Variants in SLC4A10 observed in about 807,000 individuals in gnomAD.
SLC4A10 encodes sodium-driven chloride bicarbonate exchanger.
Under a neutral mutation model 137.7 loss-of-function variants are expected in SLC4A10, and 42 were observed. That is an observed-to-expected ratio of 0.30 (90% CI 0.24 to 0.39). The LOEUF (loss-of-function observed/expected upper bound fraction) is 0.39, where lower values mean the gene tolerates loss of function less well. Among genes scored for constraint, SLC4A10 ranks in the 10% least tolerant of loss-of-function variants. SLC4A10 has a pLI of 1.00. For synonymous variants in SLC4A10, 474 were observed against 464.1 expected, an observed-to-expected ratio of 1.02 and a Z score of -0.27; for missense variants, 925 against 1,355.0, an observed-to-expected ratio of 0.68 and a Z score of 4.98.
At chr2:161,699,187 T>G (rs1490806908) in intron 1 of SLC4A10, among the ~76,000 whole-genome samples, 1 of 151,886 alleles carries the variant, frequency 6.6e-6, no homozygotes, top group Non-Finnish European at 1.5e-5. Flanking sequence ...CCTGGCTAAT[T>G]TTTTGTATTT....
intron 7 of SLC4A10, among the ~76,000 whole-genome samples, chr2:161,873,046 G>GT (rs2061237459): frequency 6.6e-6 from 1 of 152,134 alleles, no homozygotes; most frequent in Non-Finnish European, 1.5e-5. Flanking sequence ...ACTTTGGCTA[G>GT]TTTGTGTTCA....
At chr2:161,942,551 A>G (rs1692901811) in intron 15 of SLC4A10, among the ~76,000 whole-genome samples, 1 of 152,130 alleles carries the variant, frequency 6.6e-6, no homozygotes, top group South Asian at 2.1e-4. Flanking sequence ...TTTAGGGCCA[A>G]ATGGGTGTCA....
intron 11 of SLC4A10, among the ~76,000 whole-genome samples, chr2:161,899,744 A>C (rs16846181): frequency 0.096 from 14,644 of 152,054 alleles, 761 homozygotes; most frequent in East Asian, 0.13. Flanking sequence ...GTATTGAGGG[A>C]AACTCTTAAA....
rs184309232 is a variant in SLC4A10, at chr2:161,975,192, G to T, written c.3227+876G>T. ...TTAAGAGGGGGCACAACTATAAGAT[G>T]TTTTATCTTTTTTTTCTTTTTTACA... On this transcript the variant is annotated intron_variant, in intron 24 of 26. Transcript: ENST00000446997. 4.2e-3 allele frequency among the ~76,000 whole-genome samples: 644 copies of T among 152,154 alleles called. 6 individuals carry two copies. The highest frequency in any genetic ancestry group is 0.015 in the African/African-American group (604 of 41,528).
At chr2:161,761,427 A>G (rs1209976099) in intron 1 of SLC4A10, among the ~76,000 whole-genome samples, 2 of 151,992 alleles carry the variant, frequency 1.3e-5, no homozygotes, top group East Asian at 3.9e-4. Flanking sequence ...CATGGCATGG[A>G]CAGGAATATC....
intron 11 of SLC4A10, among the ~76,000 whole-genome samples, chr2:161,895,599 A>G (rs924711896): frequency 2.0e-5 from 3 of 152,000 alleles, no homozygotes; most frequent in Admixed American, 6.6e-5. Context: ...TTTAATGATC[A>G]CCATTCTAAC....
intron 1 of SLC4A10, among the ~76,000 whole-genome samples, chr2:161,744,037 G>A (rs2048172714): frequency 6.6e-6 from 1 of 151,988 alleles, no homozygotes; most frequent in Admixed American, 6.6e-5. Context: ...TTTTTGTGGA[G>A]TCTTTACTTT....
intron 2 of SLC4A10, among the ~76,000 whole-genome samples, chr2:161,791,773 T>G (rs2054240753): frequency 6.6e-6 from 1 of 152,164 alleles, no homozygotes; most frequent in Non-Finnish European, 1.5e-5. Context: ...TTTCTGATAT[T>G]TTGTTTGTTT....
intron 3 of SLC4A10, among the ~76,000 whole-genome samples, chr2:161,831,434 T>C (rs1235663307): frequency 6.7e-6 from 1 of 150,176 alleles, no homozygotes; most frequent in Non-Finnish European, 1.5e-5. Flanking sequence ...GAATTCATGA[T>C]TTTTTTTTAT....
In SLC4A10 at chr2:161,976,876, G is replaced by T. The variant is rs1699466130; in HGVS notation, c.3344G>T (p.Ser1115Ile). ...KDKESSFPSK[S>I]SPS The stretch of plus-strand genomic sequence containing the variant: ...AAGGAGTCAAGCTTTCCTTCCAAAA[G>T]GTTTGGATTTTAAAATAATGAGAAT... The change falls in exon 25 of 27, where the codon AGC (serine) becomes ATC (isoleucine). Residue 1115 changes from serine to isoleucine, a missense_variant and splice_region_variant. Around this residue, in one of 11 missense-constraint regions of SLC4A10, gnomAD observed 84 missense variants for 76.9 expected, o/e 1.09. Coordinates refer to ENST00000446997, the MANE Select transcript of SLC4A10 (RefSeq NM_001178015.2). 1 of 1,535,740 alleles carries T rather than the reference G, an allele frequency of 6.5e-7. No individual in the cohort carries two copies. Among genetic ancestry groups the T allele is most frequent in the East Asian group, 2.3e-5 (1 of 43,482 alleles).
intron 9 of SLC4A10, among the ~76,000 whole-genome samples, chr2:161,881,574 A>G (rs1175456678): frequency 6.6e-6 from 1 of 152,062 alleles, no homozygotes. Context: ...AGCATAAACC[A>G]TTTAACAAAT....
intron 15 of SLC4A10, 60 bp from the exon 16 acceptor site, chr2:161,942,732 T>A: frequency 1.5e-6 from 2 of 1,293,036 alleles, no homozygotes; most frequent in South Asian, 2.5e-5. Context: ...TATACATTAG[T>A]CTTCGGTACA....
intron 1 of SLC4A10, among the ~76,000 whole-genome samples, chr2:161,727,936 A>G (rs1290626735): frequency 6.6e-6 from 1 of 152,216 alleles, no homozygotes; most frequent in African/African-American, 2.4e-5. Context: ...AGGGCACATC[A>G]TCATCAAATT....
rs1052509301 is a variant in SLC4A10 at position 161,624,683 on chromosome 2, G to T, written c.48+117G>T. 43 of 1,352,924 alleles carry T rather than the reference G, an allele frequency of 3.2e-5. No homozygotes were observed. The Admixed American group carries it at 3.6e-4, about 11-fold the overall frequency. The allele number at this position is 1,352,924 out of a possible 1,614,324, so 83.8% of individuals were successfully genotyped here. ...TTTTGGGGTGGTGGATAGCTCCTAC[G>T]ACATATGGACAGGGGTCTCCTCCCA... On this transcript the variant is annotated intron_variant, in intron 1 of 26. Transcript: ENST00000446997.
intron 1 of SLC4A10, among the ~76,000 whole-genome samples, chr2:161,626,229 T>C (rs1440603398): frequency 6.6e-6 from 1 of 152,038 alleles, no homozygotes; most frequent in Non-Finnish European, 1.5e-5. Context: ...AAAAGCAGGC[T>C]AAAGCCAGTT....
At chr2:161,705,488 T>C (rs2043557913) in intron 1 of SLC4A10, among the ~76,000 whole-genome samples, 2 of 151,694 alleles carry the variant, frequency 1.3e-5, no homozygotes, top group Admixed American at 6.6e-5. Flanking sequence ...CAGCAAGTCA[T>C]CAAATAAATA....
At chr2:161,817,835 C>T (rs2125673698) in intron 3 of SLC4A10, among the ~76,000 whole-genome samples, 1 of 151,966 alleles carries the variant, frequency 6.6e-6, no homozygotes, top group Non-Finnish European at 1.5e-5. Context: ...TTCCATTGAT[C>T]TATATCTCTG....
chr2:161,836,983 G>A (rs1031795942), intron 3 of SLC4A10, among the ~76,000 whole-genome samples: 13 of 152,102 alleles, frequency 8.5e-5, no homozygotes, highest in African/African-American at 2.9e-4. Flanking sequence ...TTAAATAAAG[G>A]CATTCTCAGA....
rs139047125 is a variant in SLC4A10 at position 161,859,709 on chromosome 2, C to T, written c.578-3165C>T. On this transcript the variant is annotated intron_variant, in intron 5 of 26. Transcript: ENST00000446997. ...TCCGCCTCCCGGGTTCACGCCATTC[C>T]CCTGCCTCAACCTCCCGAGTCGCTG... Among the ~76,000 whole-genome samples, 162 of 150,590 alleles carry T rather than the reference C, an allele frequency of 1.1e-3. 1 individual carries two copies. The highest frequency in any genetic ancestry group is 3.7e-3 in the African/African-American group (151 of 40,948).
Sources: gnomAD v4.1 joint callset for allele counts (sites outside exome capture counted in the v4.1 genomes callset) on GRCh38, gnomAD v4.1.1 for gene constraint, gnomAD v4.1.1 regional missense constraint, MANE v1.5 for transcripts, NCBI Gene and HGNC (gene_info 2026-07-23, HGNC 2026-07-21) for gene names.